NPAS3: variants seen among roughly 807,000 people sequenced by gnomAD.
NPAS3 encodes neuronal PAS domain-containing protein 3.
NPAS3 carries 14 observed loss-of-function variants against 73.1 expected under a neutral mutation model. The observed-to-expected ratio is 0.19, with a 90% CI of 0.13 to 0.30. The LOEUF is 0.30. Among genes scored for constraint, NPAS3 ranks in the 10% least tolerant of loss-of-function variants. The probability of loss-of-function intolerance (pLI) is 1.00; values close to 1 mark genes in which losing one functional copy is unlikely to be tolerated. For missense variants in NPAS3, 1,096 were observed against 1,250.0 expected, an observed-to-expected ratio of 0.88 and a Z score of 1.86; for synonymous variants, 620 against 541.5, an observed-to-expected ratio of 1.14 and a Z score of -2.01.
chr14:33,136,805 G>A (rs1240139382), intron 2 of NPAS3, among the ~76,000 whole-genome samples: 1 of 152,318 alleles, frequency 6.6e-6, no homozygotes, highest in East Asian at 1.9e-4. Flanking sequence ...TATATACTTC[G>A]TGTATCTGTT....
chr14:33,291,548 A>C (rs1465987628), intron 3 of NPAS3, among the ~76,000 whole-genome samples: 1 of 152,214 alleles, frequency 6.6e-6, no homozygotes, highest in Non-Finnish European at 1.5e-5. Flanking sequence ...TGTAATAGAA[A>C]GAGGTGAGGA....
intron 4 of NPAS3, among the ~76,000 whole-genome samples, chr14:33,445,701 A>G (rs962183048): frequency 3.3e-5 from 5 of 152,356 alleles, no homozygotes; most frequent in African/African-American, 7.2e-5. Flanking sequence ...AACATTTTCT[A>G]TAACTACCAT....
At position 33,147,729 on chromosome 14, in the gene NPAS3, A is replaced by AT. The variant is rs1179014167; in HGVS notation, c.141-67453_141-67452insT. On this transcript the variant is annotated intron_variant, in intron 2 of 11. Transcript: ENST00000356141. ...ACCCTAGAACTTAAAGTAGAATAAAAAATATATATATATATATATATATAT... is the reference window on the plus strand; with the variant it reads ...ACCCTAGAACTTAAAGTAGAATAAAATAATATATATATATATATATATATAT... Among the ~76,000 whole-genome samples the AT allele has an allele frequency of 5.6e-3, 546 of 97,760 alleles. 2 individuals carry two copies. Among genetic ancestry groups the AT allele is most frequent in the African/African-American group, 0.013 (293 of 22,396 alleles). The allele number at this position is 97,760 out of a possible 152,430, so 64.1% of individuals were successfully genotyped here.
intron 1 of NPAS3, among the ~76,000 whole-genome samples, chr14:33,051,947 G>C (rs1259733874): frequency 6.6e-6 from 1 of 152,086 alleles, no homozygotes; most frequent in African/African-American, 2.4e-5. Context: ...TTTTAGTAGA[G>C]TCAGAGTTTC....
chr14:33,459,494 A>T (rs2050162677), intron 4 of NPAS3, among the ~76,000 whole-genome samples: 1 of 152,250 alleles, frequency 6.6e-6, no homozygotes, highest in Non-Finnish European at 1.5e-5. Flanking sequence ...GAAATCATGG[A>T]CAGTATTACT....
At chr14:33,396,252 A>C (rs1311668445) in intron 4 of NPAS3, among the ~76,000 whole-genome samples, 1 of 152,280 alleles carries the variant, frequency 6.6e-6, no homozygotes, top group South Asian at 2.1e-4. Flanking sequence ...AATCAAGTAC[A>C]AGATGATTCA....
chr14:33,343,236 A>G (rs1347846751), intron 3 of NPAS3, among the ~76,000 whole-genome samples: 2 of 152,088 alleles, frequency 1.3e-5, no homozygotes, highest in Non-Finnish European at 1.5e-5. Flanking sequence ...GGCTTATTTG[A>G]AACTCTATTG....
intron 4 of NPAS3, among the ~76,000 whole-genome samples, chr14:33,423,009 C>A (rs2048416050): frequency 6.6e-6 from 1 of 151,982 alleles, no homozygotes; most frequent in Non-Finnish European, 1.5e-5. Context: ...CAGCAATAAA[C>A]ATACTTGATA....
chr14:33,704,121 CTA>C (rs1304654578), intron 6 of NPAS3, among the ~76,000 whole-genome samples: 2 of 152,222 alleles, frequency 1.3e-5, no homozygotes. Context: ...AAGTAAAACA[CTA>C]TATTATTGCC....
At chr14:33,492,604 T>A (rs983755362) in intron 4 of NPAS3, among the ~76,000 whole-genome samples, 2 of 152,190 alleles carry the variant, frequency 1.3e-5, no homozygotes, top group African/African-American at 4.8e-5. Flanking sequence ...CCATTTAGAA[T>A]GTAATATGTA....
chr14:33,566,223 T>C (rs555150658), intron 5 of NPAS3, among the ~76,000 whole-genome samples: 56 of 134,254 alleles, frequency 4.2e-4, no homozygotes, highest in Non-Finnish European at 5.6e-4. Flanking sequence ...AGAAATTGAT[T>C]TTTCCCCCCC....
intron 6 of NPAS3, among the ~76,000 whole-genome samples, chr14:33,697,375 T>C (rs1251674903): frequency 6.6e-6 from 1 of 152,206 alleles, no homozygotes; most frequent in Non-Finnish European, 1.5e-5. Context: ...CTTTTGTTCT[T>C]GATTAGGATG....
intron 3 of NPAS3, among the ~76,000 whole-genome samples, chr14:33,302,345 G>T (rs2042585081): frequency 6.6e-6 from 1 of 152,286 alleles, no homozygotes; most frequent in East Asian, 1.9e-4. Context: ...AAAGAGTGAT[G>T]ACATACCTAG....
chr14:33,263,891 T>C (rs935272028), intron 3 of NPAS3, among the ~76,000 whole-genome samples: 2 of 152,166 alleles, frequency 1.3e-5, no homozygotes, highest in African/African-American at 4.8e-5. Context: ...CAATTGCAAA[T>C]GACCATTTGA....
chr14:33,190,509 A>G lies in NPAS3; in HGVS notation c.141-24673A>G, dbSNP rs77982152. On this transcript the variant is annotated intron_variant, in intron 2 of 11. Transcript: ENST00000356141. ...TCAATTTCACAAAAATAGTTGATTA[A>G]TTTAGAAGTGAAATACTCTGAATTG... Among the ~76,000 whole-genome samples, 84 of 152,360 alleles carry G rather than the reference A, an allele frequency of 5.5e-4. No individual in the cohort carries two copies. In the East Asian group the frequency reaches 9.6e-3, roughly 17 times the overall value.
intron 4 of NPAS3, among the ~76,000 whole-genome samples, chr14:33,537,759 C>T (rs144913676): frequency 1.1e-3 from 172 of 152,228 alleles, no homozygotes; most frequent in African/African-American, 3.7e-3. Context: ...TGACATTGGA[C>T]GGGAAGAGCT....
At chr14:33,048,860 C>T (rs1203168728) in intron 1 of NPAS3, among the ~76,000 whole-genome samples, 1 of 152,148 alleles carries the variant, frequency 6.6e-6, no homozygotes, top group Non-Finnish European at 1.5e-5. Flanking sequence ...ACGCTTGCTG[C>T]CATTTGCTAA....
chr14:33,468,553 A>T lies in NPAS3; in HGVS notation c.469-91568A>T, dbSNP rs916520216. 3.9e-5 allele frequency among the ~76,000 whole-genome samples: 6 copies of T among 152,208 alleles called. No individual in the cohort carries two copies. The South Asian group carries it at 6.2e-4, about 16-fold the overall frequency. ...CTATAAGAATCAATCTCAGAGAATTATTTTTTAAATATTAATGAAGGCACT... is the reference window on the plus strand; with the variant it reads ...CTATAAGAATCAATCTCAGAGAATTTTTTTTTAAATATTAATGAAGGCACT... On this transcript the variant is annotated intron_variant, in intron 4 of 11. Transcript: ENST00000356141.
chr14:33,277,649 T>C (rs1381928618), intron 3 of NPAS3, among the ~76,000 whole-genome samples: 1 of 152,118 alleles, frequency 6.6e-6, no homozygotes, highest in East Asian at 1.9e-4. Flanking sequence ...GAGCAAGTGA[T>C]ACAGATCCCT....
Sources: gnomAD v4.1 joint callset for allele counts (sites outside exome capture counted in the v4.1 genomes callset) on GRCh38, gnomAD v4.1.1 for gene constraint, MANE v1.5 for transcripts, NCBI Gene and HGNC (gene_info 2026-07-23, HGNC 2026-07-21) for gene names.